PTPRT: variants seen among roughly 807,000 people sequenced by gnomAD.
PTPRT encodes the protein protein tyrosine phosphatase receptor type T.
A neutral mutation model predicts 176.8 loss-of-function variants in PTPRT; 56 were observed. The ratio of observed to expected loss-of-function variants is 0.32; its 90% confidence interval spans 0.26 to 0.40. The LOEUF is 0.40. PTPRT is among the 10% of genes least tolerant of loss of function. PTPRT has a pLI of 1.00. For synonymous variants in PTPRT, 783 were observed against 739.0 expected (o/e 1.06, Z -0.96); for missense variants, 1,540 against 1,908.2 (o/e 0.81, Z 3.60).
intron 1 of PTPRT, among the ~76,000 whole-genome samples, chr20:43,095,423 C>A (rs1479856164): frequency 1.3e-5 from 2 of 152,074 alleles, no homozygotes; most frequent in African/African-American, 4.8e-5. Context: ...GAATTCAGCA[C>A]CTGTGATCAC....
At chr20:42,388,532 T>C (rs1015830859) in intron 9 of PTPRT, among the ~76,000 whole-genome samples, 2 of 152,194 alleles carry the variant, frequency 1.3e-5, no homozygotes, top group South Asian at 2.1e-4. Context: ...AAAATGCTCA[T>C]CATCACTGGC....
intron 17 of PTPRT, among the ~76,000 whole-genome samples, chr20:42,154,887 A>G (rs114464537): frequency 1.0e-3 from 153 of 152,176 alleles, no homozygotes; most frequent in African/African-American, 3.3e-3. Context: ...GGGAGGAGGG[A>G]GGATGCTGTG....
At chr20:42,311,683 C>A (rs1395314292) in intron 12 of PTPRT, among the ~76,000 whole-genome samples, 1 of 151,712 alleles carries the variant, frequency 6.6e-6, no homozygotes, top group Non-Finnish European at 1.5e-5. Flanking sequence ...CAAAACAACA[C>A]TTTTTTACCC....
At chr20:42,978,873 C>G (rs1983114176) in intron 1 of PTPRT, among the ~76,000 whole-genome samples, 1 of 152,200 alleles carries the variant, frequency 6.6e-6, no homozygotes, top group Non-Finnish European at 1.5e-5. Context: ...AGCATATCAT[C>G]AAGAAATAAC....
At chr20:42,659,397 G>A (rs1419907141) in intron 7 of PTPRT, among the ~76,000 whole-genome samples, 1 of 152,212 alleles carries the variant, frequency 6.6e-6, no homozygotes, top group African/African-American at 2.4e-5. Context: ...CACTCAGTCT[G>A]AACCCTAAAC....
At chr20:42,830,831 A>G (rs545496431) in intron 2 of PTPRT, among the ~76,000 whole-genome samples, 3 of 152,324 alleles carry the variant, frequency 2.0e-5, no homozygotes, top group South Asian at 4.1e-4. Flanking sequence ...GAATACAGCT[A>G]ACCAGGGAGG....
intron 6 of PTPRT, among the ~76,000 whole-genome samples, chr20:42,724,062 A>C (rs2146241482): frequency 6.6e-6 from 1 of 152,372 alleles, no homozygotes. Context: ...ACAAGTGTGA[A>C]TTGAATCATT....
intron 1 of PTPRT, among the ~76,000 whole-genome samples, chr20:42,917,658 C>T (rs1174977851): frequency 6.6e-6 from 1 of 152,140 alleles, no homozygotes; most frequent in South Asian, 2.1e-4. Context: ...TGCCCCCTAT[C>T]TTCCCATCAA....
intron 20 of PTPRT, 126 bp from the exon 21 acceptor site, chr20:42,118,626 A>T: frequency 3.2e-6 from 2 of 626,422 alleles, no homozygotes; most frequent in Non-Finnish European, 2.7e-6. Flanking sequence ...GATCCTTGTT[A>T]AGACACCAAG....
intron 27 of PTPRT, among the ~76,000 whole-genome samples, chr20:42,088,643 G>A (rs1225741130): frequency 6.6e-6 from 1 of 152,222 alleles, no homozygotes; most frequent in East Asian, 1.9e-4. Flanking sequence ...TGCATATAAA[G>A]CTTTGCTGAA....
At chr20:42,880,335 G>A (rs1322299003) in intron 2 of PTPRT, among the ~76,000 whole-genome samples, 1 of 152,166 alleles carries the variant, frequency 6.6e-6, no homozygotes, top group Non-Finnish European at 1.5e-5. Flanking sequence ...TGGGGACTGA[G>A]GGTCAGATTC....
intron 6 of PTPRT, among the ~76,000 whole-genome samples, chr20:42,694,439 A>G (rs1346020422): frequency 3.3e-5 from 5 of 152,164 alleles, no homozygotes; most frequent in Admixed American, 2.6e-4. Context: ...AATGTTGTTT[A>G]ACCATTCTCC....
intron 15 of PTPRT, among the ~76,000 whole-genome samples, chr20:42,214,607 G>A (rs1171751104): frequency 2.0e-5 from 3 of 152,208 alleles, no homozygotes; most frequent in Admixed American, 1.3e-4. Context: ...GTCCATATCT[G>A]TGCCTCTATC....
chr20:42,531,685 T>C lies in PTPRT; in HGVS notation c.1154-59123A>G, dbSNP rs375018808. On this transcript the variant is annotated intron_variant, in intron 7 of 30. Transcript: ENST00000373187. Reference sequence around the variant, plus strand: ...ATAACGCCACGTGCAAGCAACCAAGTACAGGAGCAAGGACTCCCAGTGCTC... The same window carrying C: ...ATAACGCCACGTGCAAGCAACCAAGCACAGGAGCAAGGACTCCCAGTGCTC... 7.2e-5 allele frequency among the ~76,000 whole-genome samples: 11 copies of C among 152,308 alleles called. No individual in the cohort carries two copies. In the East Asian group the frequency reaches 1.4e-3, roughly 19 times the overall value.
downstream of PTPRT, among the ~76,000 whole-genome samples, chr20:42,070,824 C>T (rs558474222): frequency 2.0e-5 from 3 of 152,256 alleles, no homozygotes; most frequent in South Asian, 6.2e-4. Context: ...TATCATAACA[C>T]TTTAAAAGCA....
chr20:42,838,435 G>A (rs1156861580), intron 2 of PTPRT, among the ~76,000 whole-genome samples: 5 of 152,198 alleles, frequency 3.3e-5, no homozygotes, highest in African/African-American at 9.6e-5. Flanking sequence ...TCCAGACTGA[G>A]CTAGCCAGGC....
intron 16 of PTPRT, among the ~76,000 whole-genome samples, chr20:42,169,720 T>A (rs536400752): frequency 6.9e-6 from 1 of 145,790 alleles, no homozygotes; most frequent in East Asian, 2.0e-4. Flanking sequence ...ATAGCCTGGA[T>A]ACCGTGAAAA....
At chr20:43,074,653 C>A (rs1342816671) in intron 1 of PTPRT, among the ~76,000 whole-genome samples, 1 of 152,176 alleles carries the variant, frequency 6.6e-6, no homozygotes, top group East Asian at 1.9e-4. Context: ...TTTCCACACT[C>A]CCACAGAACC....
chr20:42,874,160 T>G (rs1037877895), intron 2 of PTPRT, among the ~76,000 whole-genome samples: 3 of 152,034 alleles, frequency 2.0e-5, no homozygotes, highest in Admixed American at 6.6e-5. Flanking sequence ...AACGTCTTCC[T>G]CTCCGGCTGC....
Sources: gnomAD v4.1 joint callset for allele counts (sites outside exome capture counted in the v4.1 genomes callset) on GRCh38, gnomAD v4.1.1 for gene constraint, MANE v1.5 for transcripts, NCBI Gene and HGNC (gene_info 2026-07-23, HGNC 2026-07-21) for gene names.